The following MBD5 variants were observed in gnomAD, a reference collection of about 807,000 sequenced individuals.
MBD5 encodes methyl-CpG-binding domain protein 5.
MBD5 carries 13 observed loss-of-function variants against 117.3 expected under a neutral mutation model. That is an observed-to-expected ratio of 0.11 (90% CI 0.07 to 0.18). The LOEUF is 0.18. MBD5 is among the 10% of genes least tolerant of loss of function. MBD5 has a pLI of 1.00. For missense variants in MBD5, 1,879 were observed against 2,093.8 expected (o/e 0.90, Z 2.00); for synonymous variants, 727 against 766.4 (o/e 0.95, Z 0.85).
intron 1 of MBD5, among the ~76,000 whole-genome samples, chr2:148,099,275 T>C (rs1457485202): frequency 6.6e-6 from 1 of 152,176 alleles, no homozygotes; most frequent in Admixed American, 6.5e-5. Context: ...AAAGTAATCT[T>C]GGAATCTTTA....
At chr2:148,454,173 G>C (rs1405635064) in intron 4 of MBD5, among the ~76,000 whole-genome samples, 1 of 151,812 alleles carries the variant, frequency 6.6e-6, no homozygotes, top group Non-Finnish European at 1.5e-5. Flanking sequence ...AAAATGCCCA[G>C]GAAGAAAAAA....
At chr2:148,455,421 G>A (rs1195942776) in intron 4 of MBD5, among the ~76,000 whole-genome samples, 2 of 152,098 alleles carry the variant, frequency 1.3e-5, no homozygotes, top group Non-Finnish European at 2.9e-5. Flanking sequence ...ATCAAACTTC[G>A]AACAGGCATC....
intron 4 of MBD5, among the ~76,000 whole-genome samples, chr2:148,364,179 G>A (rs1419072241): frequency 6.6e-6 from 1 of 152,096 alleles, no homozygotes; most frequent in Non-Finnish European, 1.5e-5. Flanking sequence ...AAAAGAGTGG[G>A]GGCCAATATT....
At chr2:148,202,821 A>T (rs939139868) in intron 2 of MBD5, among the ~76,000 whole-genome samples, 5 of 152,140 alleles carry the variant, frequency 3.3e-5, no homozygotes, top group African/African-American at 1.2e-4. Context: ...TGAGGTCAGG[A>T]GTTCGAGACC....
intron 12 of MBD5, among the ~76,000 whole-genome samples, chr2:148,507,575 C>T (rs930357044): frequency 7.3e-5 from 11 of 150,806 alleles, no homozygotes; most frequent in African/African-American, 2.2e-4. Flanking sequence ...CTGGCTAACA[C>T]GGTGAAACCC....
At chr2:148,386,002 C>G (rs1450172059) in intron 4 of MBD5, among the ~76,000 whole-genome samples, 2 of 148,686 alleles carry the variant, frequency 1.3e-5, no homozygotes, top group Admixed American at 1.3e-4. Context: ...GGAGATATAC[C>G]TAATGCTAAA....
chr2:148,475,856 A>G (rs1680946642), intron 8 of MBD5, among the ~76,000 whole-genome samples: 1 of 152,166 alleles, frequency 6.6e-6, no homozygotes, highest in South Asian at 2.1e-4. Flanking sequence ...TCATGCATGT[A>G]GTACTAAATA....
At chr2:148,184,715 G>A (rs1295747573) in intron 2 of MBD5, among the ~76,000 whole-genome samples, 3 of 152,248 alleles carry the variant, frequency 2.0e-5, no homozygotes, top group Non-Finnish European at 4.4e-5. Flanking sequence ...ATGTTGACCT[G>A]TAAGGTAATT....
chr2:148,108,779 G>T (rs1696436646), intron 1 of MBD5, among the ~76,000 whole-genome samples: 1 of 152,144 alleles, frequency 6.6e-6, no homozygotes, highest in African/African-American at 2.4e-5. Context: ...GGACATAGAA[G>T]TCTATCATAC....
rs182510528 is a variant in MBD5 at position 148,154,875 on chromosome 2, C to T, written c.-924-23825C>T. On this transcript the variant is annotated intron_variant, in intron 1 of 13. Coordinates refer to ENST00000642680, the MANE Select transcript of MBD5 (RefSeq NM_001378120.1). ...GAACCCAGTACCTCAGATGGAAATGCAGAAATCACCCATCTTCTGCGTCGC... is the reference window on the plus strand; with the variant it reads ...GAACCCAGTACCTCAGATGGAAATGTAGAAATCACCCATCTTCTGCGTCGC... 5.3e-3 allele frequency among the ~76,000 whole-genome samples: 802 copies of T among 152,282 alleles called. 14 individuals carry two copies. The highest frequency in any genetic ancestry group is 0.019 in the African/African-American group (769 of 41,546).
intron 4 of MBD5, among the ~76,000 whole-genome samples, chr2:148,436,665 C>G (rs544467320): frequency 6.6e-6 from 1 of 152,188 alleles, no homozygotes; most frequent in African/African-American, 2.4e-5. Flanking sequence ...AGCCACCACG[C>G]TTGGCCCTTG....
intron 1 of MBD5, among the ~76,000 whole-genome samples, chr2:148,080,499 T>TA (rs1176447938): frequency 6.6e-6 from 1 of 152,010 alleles, no homozygotes; most frequent in South Asian, 2.1e-4. Flanking sequence ...ATGCTTTTTT[T>TA]AAAAAAAATC....
chr2:148,318,839 C>A (rs1305087423), intron 3 of MBD5, among the ~76,000 whole-genome samples: 1 of 152,116 alleles, frequency 6.6e-6, no homozygotes, highest in African/African-American at 2.4e-5. Flanking sequence ...CCTCAGCCAC[C>A]CTAGTAGCTG....
intron 2 of MBD5, among the ~76,000 whole-genome samples, chr2:148,183,993 T>C (rs1253543602): frequency 6.6e-6 from 1 of 151,638 alleles, no homozygotes; most frequent in Non-Finnish European, 1.5e-5. Context: ...CCTGTTCAAC[T>C]CCATCATTCC....
intron 4 of MBD5, among the ~76,000 whole-genome samples, chr2:148,425,717 C>A (rs888624256): frequency 1.1e-4 from 17 of 152,202 alleles, no homozygotes; most frequent in African/African-American, 3.6e-4. Context: ...CGCAGGGATG[C>A]AAGGCTGGTT....
intron 3 of MBD5, among the ~76,000 whole-genome samples, chr2:148,302,802 T>TA (rs1191339587): frequency 1.3e-5 from 2 of 151,662 alleles, no homozygotes; most frequent in Admixed American, 6.6e-5. Context: ...GCTAATTTTT[T>TA]TTTTATTTTT....
chr2:148,321,247 GGAA>G (rs1702275030), intron 3 of MBD5, among the ~76,000 whole-genome samples: 1 of 152,026 alleles, frequency 6.6e-6, no homozygotes, highest in Non-Finnish European at 1.5e-5. Context: ...GGATCACATT[GGAA>G]GAAGAATTGT....
intron 4 of MBD5, among the ~76,000 whole-genome samples, chr2:148,351,013 A>G (rs1489251396): frequency 5.3e-5 from 8 of 152,050 alleles, no homozygotes; most frequent in African/African-American, 1.9e-4. Flanking sequence ...TACATTCACT[A>G]GCAAACCTTA....
At chr2:148,489,360 C>T in intron 10 of MBD5, 26 bp from the exon 11 acceptor site, 1 of 1,613,842 alleles carries the variant, frequency 6.2e-7, no homozygotes, top group South Asian at 1.1e-5. Flanking sequence ...CCCTTTCTCT[C>T]ACTGCTTCCT....
Sources: gnomAD v4.1 joint callset for allele counts (sites outside exome capture counted in the v4.1 genomes callset) on GRCh38, gnomAD v4.1.1 for gene constraint, MANE v1.5 for transcripts, NCBI Gene and HGNC (gene_info 2026-07-23, HGNC 2026-07-21) for gene names.